HELZ2: variants seen among roughly 807,000 people sequenced by gnomAD.
HELZ2 encodes 3'-5' exoribonuclease HELZ2.
HELZ2 carries 143 observed loss-of-function variants against 208.8 expected under a neutral mutation model. The observed-to-expected ratio is 0.68, with a 90% CI of 0.60 to 0.79. The LOEUF (loss-of-function observed/expected upper bound fraction) is 0.79. Ranked by LOEUF, HELZ2 falls within the 30% of genes least tolerant of loss-of-function variation. The pLI is 0.00. For synonymous variants in HELZ2, 1,705 were observed against 1,693.7 expected, an observed-to-expected ratio of 1.01 and a Z score of -0.16; for missense variants, 3,690 against 3,794.5, an observed-to-expected ratio of 0.97 and a Z score of 0.72.
upstream of HELZ2, chr20:63,572,491 C>T (rs958700233): frequency 8.4e-5 from 103 of 1,230,536 alleles, no homozygotes; most frequent in African/African-American, 4.7e-4. Flanking sequence ...CCCGGGGCCG[C>T]GGCCTCACCA....
exon 6 of HELZ2, chr20:63,567,480 G>A: frequency 6.4e-7 from 1 of 1,555,928 alleles, no homozygotes. Context: ...AAGCCTGGCG[G>A]TCGTCGGTCA....
exon 1 of HELZ2, chr20:63,572,164 C>A (rs753588662): frequency 1.2e-6 from 2 of 1,611,292 alleles, no homozygotes; most frequent in East Asian, 4.5e-5. Flanking sequence ...GCTCCCAGGG[C>A]AGGGCCTGGT....
chr20:63,559,270 G>A lies in HELZ2; in HGVS notation c.7926C>T (p.Cys2642=), dbSNP rs569908650. 6.3e-6 allele frequency: 10 copies of A among 1,579,440 alleles called. No homozygotes were observed. In the East Asian group the frequency reaches 1.4e-4, roughly 22 times the overall value. The change falls in exon 19 of 19, where the codon TGC becomes TGT. Residue 2642 remains cysteine, a synonymous_variant. Coordinates refer to ENST00000467148, the Ensembl canonical transcript of HELZ2. ...TTCAGGAAGGCATAGTTGGCCTCCTGCAGACGCGCACCTGGCCGGCAGGCA... is the reference window on the plus strand; with the variant it reads ...TTCAGGAAGGCATAGTTGGCCTCCTACAGACGCGCACCTGGCCGGCAGGCA...
In HELZ2 at chr20:63,564,477, C is replaced by T. The variant is rs116432692; in HGVS notation, c.4345G>A (p.Val1449Met). The stretch of plus-strand genomic sequence containing the variant: ...GACAGCTGGCGGTCAGACTGGACCA[C>T]GGAGGGTGCAAAGCGCAGGCTCTTC... The change falls in exon 8 of 19, where the codon GTG becomes ATG. Residue 1449 changes from valine to methionine, a missense_variant. Val to Met is a conservative substitution (Grantham distance 21, BLOSUM62 1). This residue lies in a region of HELZ2 where 2,564 missense variants were observed against 2,580.5 expected (regional missense o/e 0.99). Transcript: ENST00000467148. 2.5e-4 allele frequency: 393 copies of T among 1,583,172 alleles called. No homozygotes were observed. The African/African-American group carries it at 4.8e-3, about 19-fold the overall frequency.
At chr20:63,562,607 T>C in exon 8 of HELZ2, 1 of 1,596,280 alleles carries the variant, frequency 6.3e-7, no homozygotes, top group South Asian at 1.1e-5. Flanking sequence ...CATGCCCATG[T>C]GGTGGACGAA....
rs748872348 is a variant in HELZ2 at position 63,564,555 on chromosome 20, C to T, written c.4267G>A (p.Asp1423Asn). 2.5e-6 allele frequency: 4 copies of T among 1,569,048 alleles called. No homozygotes were observed. In the East Asian group the frequency reaches 9.4e-5, roughly 37 times the overall value. Residue 1423 changes from aspartate to asparagine, a missense_variant, in exon 8 of 19, where the codon GAC (aspartate) becomes AAC (asparagine). Physicochemically the swap from Asp to Asn is conservative, Grantham distance 23. This residue lies in a region of HELZ2 where 2,564 missense variants were observed against 2,580.5 expected (regional missense o/e 0.99). Transcript: ENST00000467148. ...AGGAACAGGGAGATGGCCAGGCGGT[C>T]CCGGCCAGGCAGGAGGCTGAGGACG...
exon 8 of HELZ2, chr20:63,563,793 T>G (rs751866605): frequency 3.7e-6 from 6 of 1,603,238 alleles, no homozygotes; most frequent in Middle Eastern, 1.6e-4. Context: ...TCCAGGTACC[T>G]GCGGATGGGC....
At chr20:63,567,942 C>T in intron 5 of HELZ2, 2 of 553,314 alleles carry the variant, frequency 3.6e-6, no homozygotes, top group African/African-American at 1.9e-5. Flanking sequence ...CTTCCTCCCA[C>T]TCCCCACTGG....
At chr20:63,563,347 C>T (rs775745654) in exon 8 of HELZ2, 57 of 1,538,244 alleles carry the variant, frequency 3.7e-5, no homozygotes, top group Non-Finnish European at 4.3e-5. Flanking sequence ...TCCACAGGGC[C>T]GTCTCCACGG....
chr20:63,571,005 C>T (rs1472274017), intron 1 of HELZ2, 137 bp from the exon 3 acceptor site: 5 of 664,802 alleles, frequency 7.5e-6, no homozygotes, highest in African/African-American at 1.8e-5. Context: ...CCTGTGCTCC[C>T]GGGACAAGGC....
At chr20:63,567,147 C>T (rs773695358) in exon 6 of HELZ2, 1 of 1,610,586 alleles carries the variant, frequency 6.2e-7, no homozygotes, top group Non-Finnish European at 8.5e-7. Flanking sequence ...CGTGGAAGAC[C>T]AGGCGGCTCT....
At chr20:63,569,507 A>G (rs1757752) in exon 4 of HELZ2, 1,314,419 of 1,609,742 alleles carry the variant, frequency 0.82, 541,621 homozygotes, top group East Asian at 0.95. Flanking sequence ...CGAACGAGGC[A>G]GCCTGCACAC....
At chr20:63,569,704 C>T (rs985620013) in intron 3 of HELZ2, 39 bp from the exon 5 acceptor site, 91 of 1,463,786 alleles carry the variant, frequency 6.2e-5, no homozygotes, top group Non-Finnish European at 7.8e-5. Context: ...GCCCAGGGCT[C>T]CCCCCAACCC....
At chr20:63,570,540 C>T (rs781093166) in exon 3 of HELZ2, 34 of 1,612,002 alleles carry the variant, frequency 2.1e-5, no homozygotes, top group Non-Finnish European at 2.8e-5. Flanking sequence ...TGTACTGGGT[C>T]TTCCTCTCCT....
Position 63,559,780 on chromosome 20 carries a change from CAGTCAGAGTCAGGTGGGAGG to C in HELZ2, c.7825+128_7825+147del, listed in dbSNP as rs1346856626. On this transcript the variant is annotated intron_variant, in intron 18 of 18. Coordinates refer to ENST00000467148, the Ensembl canonical transcript of HELZ2. ...GGAGGAGTCAGGGTCAGATGGGAGTCAGTCAGAGTCAGGTGGGAGGAGTCAGGGTCAGGTGGGAGGAGTCA... is the reference window on the plus strand; with the variant it reads ...GGAGGAGTCAGGGTCAGATGGGAGTCAGTCAGGGTCAGGTGGGAGGAGTCA... The C allele has an allele frequency of 1.9e-4, 89 of 463,962 alleles. 1 individual carries two copies. The highest frequency in any genetic ancestry group is 3.7e-4 in the East Asian group (7 of 18,670). 28.7% of individuals were successfully genotyped at this position (463,962 alleles called of 1,614,324 possible).
exon 4 of HELZ2, chr20:63,569,163 T>C: frequency 6.4e-7 from 1 of 1,553,288 alleles, no homozygotes. Flanking sequence ...CACCAGCTGC[T>C]GCTGAGCCGC....
exon 11 of HELZ2, chr20:63,561,898 G>C (rs752421595): frequency 4.4e-6 from 7 of 1,575,108 alleles, no homozygotes; most frequent in Admixed American, 1.9e-5. Context: ...TTCTCCCCAC[G>C]GGGGGGGCCT....
At chr20:63,567,828 C>T (rs866383714) in intron 5 of HELZ2, 26 of 1,247,494 alleles carry the variant, frequency 2.1e-5, no homozygotes, top group South Asian at 1.4e-4. Context: ...AACACCTGGG[C>T]GAGCCCAGCG....
In HELZ2 at chr20:63,568,698, G is replaced by A. The variant is rs766619810; in HGVS notation, c.1390C>T (p.Arg464Cys). 4.7e-5 allele frequency: 76 copies of A among 1,605,946 alleles called. No homozygotes were observed. The highest frequency in any genetic ancestry group is 9.3e-5 in the African/African-American group (7 of 74,894). Residue 464 changes from arginine (R) to cysteine (C), a missense_variant, in exon 5 of 19, where the codon CGC (arginine) becomes TGC (cysteine). This residue lies in a region of HELZ2 where 1,119 missense variants were observed against 1,193.4 expected (regional missense o/e 0.94). Coordinates refer to ENST00000467148, the Ensembl canonical transcript of HELZ2. ...TGGAACTGCACCTCCAGGACCAGGCGGGCCTCAGGCTGCAGCCCCAGGGCC... is the reference window on the plus strand; with the variant it reads ...TGGAACTGCACCTCCAGGACCAGGCAGGCCTCAGGCTGCAGCCCCAGGGCC...
Sources: gnomAD v4.1 joint callset for allele counts on GRCh38, gnomAD v4.1.1 for gene constraint, gnomAD v4.1.1 regional missense constraint, MANE v1.5 for transcripts, NCBI Gene and HGNC (gene_info 2026-07-23, HGNC 2026-07-21) for gene names.